The following ASCC3 variants were observed in gnomAD, a reference collection of about 807,000 sequenced individuals.
ASCC3 encodes the protein ASC-1 complex subunit P200.
Under a neutral mutation model 256.3 loss-of-function variants are expected in ASCC3, and 158 were observed. That is an observed-to-expected ratio of 0.62 (90% CI 0.54 to 0.70). The LOEUF (loss-of-function observed/expected upper bound fraction) is 0.70. ASCC3 is among the 30% of genes least tolerant of loss of function. ASCC3 has a pLI of 0.00. For synonymous variants in ASCC3, 948 were observed against 883.4 expected (o/e 1.07, Z -1.30); for missense variants, 2,259 against 2,626.0 (o/e 0.86, Z 3.05).
At chr6:100,714,454 A>G (rs1778996365) in intron 13 of ASCC3, among the ~76,000 whole-genome samples, 4 of 152,172 alleles carry the variant, frequency 2.6e-5, no homozygotes, top group African/African-American at 9.6e-5. Flanking sequence ...CATGGCCTGG[A>G]TCTGAAAGTG....
intron 10 of ASCC3, among the ~76,000 whole-genome samples, chr6:100,731,871 C>G (rs1333921538): frequency 6.6e-6 from 1 of 152,042 alleles, no homozygotes; most frequent in Non-Finnish European, 1.5e-5. Context: ...TTTAAAATGT[C>G]ATACTGCAGG....
At chr6:100,655,853 T>TA in intron 16 of ASCC3, 35 bp from the exon 17 acceptor site, 6 of 1,605,672 alleles carry the variant, frequency 3.7e-6, no homozygotes, top group Non-Finnish European at 5.1e-6. Flanking sequence ...ATTAATGTAT[T>TA]AAAGTTGAAC....
chr6:100,509,468 T>C lies in ASCC3; in HGVS notation c.6527A>G (p.Tyr2176Cys), dbSNP rs240768. 98,337 of 1,614,024 alleles carry C rather than the reference T, an allele frequency of 0.061. 4,308 individuals are homozygous for C. Among genetic ancestry groups the C allele is most frequent in the African/African-American group, 0.21 (15,686 of 75,024 alleles). ...AAGACTCGCTTGTGTAACGTTGAGA[T>C]AGATGTCATACTGCTGGTCCAGGCC... Reference protein sequence around the residue: ...YLGLDQQYDIYLNVTQASLSA... With the variant: ...YLGLDQQYDICLNVTQASLSA... Residue 2176 changes from tyrosine to cysteine, a missense_variant, in exon 42 of 42, where the codon TAT (tyrosine) becomes TGT (cysteine). Coordinates refer to ENST00000369162, the MANE Select transcript of ASCC3 (RefSeq NM_006828.4).
chr6:100,790,162 C>T (rs1421022108), intron 8 of ASCC3, among the ~76,000 whole-genome samples: 2 of 151,906 alleles, frequency 1.3e-5, no homozygotes, highest in East Asian at 3.9e-4. Context: ...TACCGATTAC[C>T]TAAAGTATAT....
chr6:100,856,522 TAC>T (rs1377618098), intron 3 of ASCC3: 1 of 698,462 alleles, frequency 1.4e-6, no homozygotes, highest in East Asian at 1.3e-4. Context: ...ACAGTACACA[TAC>T]AGTTCAAAGA....
intron 3 of ASCC3, among the ~76,000 whole-genome samples, chr6:100,860,161 T>C (rs575631215): frequency 1.3e-5 from 2 of 152,148 alleles, no homozygotes; most frequent in South Asian, 2.1e-4. Context: ...TTGACTTCTT[T>C]ATTTTAAAAA....
intron 10 of ASCC3, among the ~76,000 whole-genome samples, chr6:100,754,654 A>G (rs1781090675): frequency 6.6e-6 from 1 of 152,024 alleles, no homozygotes; most frequent in Non-Finnish European, 1.5e-5. Flanking sequence ...AATTTCAATG[A>G]TTTTCAATTC....
intron 41 of ASCC3, 64 bp downstream of exon 41, chr6:100,509,868 A>G (rs1562081446): frequency 6.6e-7 from 1 of 1,519,660 alleles, no homozygotes; most frequent in Non-Finnish European, 9.0e-7. Context: ...AGCCTGGGCG[A>G]CAGAGCGAGA....
chr6:100,540,266 G>A lies in ASCC3; in HGVS notation c.5672C>T (p.Ala1891Val), dbSNP rs775927160. The change falls in exon 37 of 42, where the codon GCA (alanine) becomes GTA (valine). Residue 1891 changes from alanine (A) to valine (V), a missense_variant. Ala to Val is a moderately conservative substitution (Grantham distance 64). This residue lies in a region of ASCC3 where 1,839 missense variants were observed against 2,206.7 expected (regional missense o/e 0.83). Transcript: ENST00000369162. ...PHSFDSPHTKAHLLLQAHLSR... is the reference protein window; with the variant it reads ...PHSFDSPHTKVHLLLQAHLSR... ...GAGATGTGCCTGTAGCAGGAGATGTGCTTTGGTGTGAGGGCTGTCAAATGA... is the reference window on the plus strand; with the variant it reads ...GAGATGTGCCTGTAGCAGGAGATGTACTTTGGTGTGAGGGCTGTCAAATGA... 4 of 1,613,970 alleles carry A rather than the reference G, an allele frequency of 2.5e-6. No individual in the cohort carries two copies. Among genetic ancestry groups the A allele is most frequent in the South Asian group, 2.2e-5 (2 of 91,066 alleles).
At chr6:100,880,047 G>T (rs1171580705) in intron 1 of ASCC3, among the ~76,000 whole-genome samples, 1 of 152,168 alleles carries the variant, frequency 6.6e-6, no homozygotes, top group Non-Finnish European at 1.5e-5. Flanking sequence ...CACATAGGAA[G>T]ACTTGAATGA....
chr6:100,643,722 T>C (rs968463601), intron 23 of ASCC3, among the ~76,000 whole-genome samples: 1 of 152,214 alleles, frequency 6.6e-6, no homozygotes, highest in Middle Eastern at 3.4e-3. Context: ...CTAGAAAAAG[T>C]AGGTGAAAAT....
chr6:100,521,579 T>G (rs1369203946), intron 37 of ASCC3, among the ~76,000 whole-genome samples: 2 of 152,172 alleles, frequency 1.3e-5, no homozygotes, highest in East Asian at 3.9e-4. Context: ...TTCTGTACTA[T>G]CCATGGTTTT....
At chr6:100,805,952 T>A in intron 4 of ASCC3, 72 bp from the exon 5 acceptor site, 3 of 1,473,686 alleles carry the variant, frequency 2.0e-6, no homozygotes, top group Non-Finnish European at 2.8e-6. Flanking sequence ...ATTAACAACC[T>A]ATTCAACAGA....
chr6:100,831,052 T>C (rs546019798), intron 4 of ASCC3, among the ~76,000 whole-genome samples: 21 of 152,186 alleles, frequency 1.4e-4, no homozygotes, highest in Non-Finnish European at 3.1e-4. Context: ...AGAAAGGGTT[T>C]AGTTATTCTT....
chr6:100,849,923 A>G lies in ASCC3; in HGVS notation c.242-1216T>C, dbSNP rs562004233. 9.9e-5 allele frequency among the ~76,000 whole-genome samples: 15 copies of G among 152,002 alleles called. No homozygotes were observed. In the South Asian group the frequency reaches 3.1e-3, roughly 32 times the overall value. ...GAGAACAGCCTGGCCAACATGGTGA[A>G]ATCCCGTCTTTACTAAAAATACAAA... is the stretch of plus-strand genomic sequence containing the variant. On this transcript the variant is annotated intron_variant, in intron 3 of 41. Transcript: ENST00000369162.
At chr6:100,657,170 T>C (rs1306350432) in intron 16 of ASCC3, among the ~76,000 whole-genome samples, 1 of 151,314 alleles carries the variant, frequency 6.6e-6, no homozygotes, top group African/African-American at 2.4e-5. Context: ...TATTTGTTAC[T>C]AAAACAGAGA....
chr6:100,828,393 T>C (rs922159380), intron 4 of ASCC3, among the ~76,000 whole-genome samples: 2 of 152,086 alleles, frequency 1.3e-5, no homozygotes, highest in African/African-American at 2.4e-5. Context: ...TTCCAAGACT[T>C]CCAGTGGGTG....
intron 36 of ASCC3, among the ~76,000 whole-genome samples, chr6:100,583,055 G>T (rs1298475296): frequency 6.6e-6 from 1 of 152,000 alleles, no homozygotes; most frequent in Non-Finnish European, 1.5e-5. Context: ...TCTCTTTTTT[G>T]GTTGTGGCTC....
Position 100,715,614 on chromosome 6 carries a change from A to T in ASCC3, c.2080-81T>A, listed in dbSNP as rs967153670. 8 of 1,200,994 alleles carry T rather than the reference A, an allele frequency of 6.7e-6. No homozygotes were observed. The African/African-American group carries it at 1.2e-4, about 18-fold the overall frequency. 74.4% of individuals were successfully genotyped at this position (1,200,994 alleles called of 1,614,324 possible). ...CTACAAATAAAATTTTGCCAATTACAATGCATTTTTTAAGCTTTCAGGCTA... is the reference window on the plus strand; with the variant it reads ...CTACAAATAAAATTTTGCCAATTACTATGCATTTTTTAAGCTTTCAGGCTA... On this transcript the variant is annotated intron_variant, in intron 12 of 41. Transcript: ENST00000369162.
Sources: gnomAD v4.1 joint callset for allele counts (sites outside exome capture counted in the v4.1 genomes callset) on GRCh38, gnomAD v4.1.1 for gene constraint, gnomAD v4.1.1 regional missense constraint, MANE v1.5 for transcripts, NCBI Gene and HGNC (gene_info 2026-07-23, HGNC 2026-07-21) for gene names.